The following PCDHGB1 variants were observed in gnomAD, a reference collection of about 807,000 sequenced individuals.
PCDHGB1 encodes the protein protocadherin gamma subfamily B, 1.
A neutral mutation model predicts 56.6 loss-of-function variants in PCDHGB1; 34 were observed. The ratio of observed to expected loss-of-function variants is 0.60; its 90% confidence interval spans 0.46 to 0.80. PCDHGB1 has a LOEUF of 0.80. PCDHGB1 is among the 30% of genes least tolerant of loss of function. The pLI, the probability that PCDHGB1 is intolerant of heterozygous loss-of-function variation, is 0.00. For synonymous variants in PCDHGB1, 561 were observed against 505.9 expected, an observed-to-expected ratio of 1.11 and a Z score of -1.46; for missense variants, 1,278 against 1,204.6, an observed-to-expected ratio of 1.06 and a Z score of -0.90.
chr5:141,387,788 A>G, intron 1 of PCDHGB1: 2 of 1,487,916 alleles, frequency 1.3e-6, no homozygotes, highest in Non-Finnish European at 1.8e-6. Flanking sequence ...TGGAACTGCA[A>G]CTAAAGTCCG....
chr5:141,511,373 G>T lies in PCDHGB1; in HGVS notation c.*200G>T. On this transcript the variant is annotated 3_prime_UTR_variant, in exon 4 of 4. Transcript: ENST00000523390. ...CCCCCAGGGGGTTGAATATGCAAAA[G>T]CAGTTCCGCTGGGAACCCCCATCCA... 8.0e-7 allele frequency: 1 copy of T among 1,251,332 alleles called. No homozygotes were observed. The highest frequency in any genetic ancestry group is 1.6e-5 in the South Asian group (1 of 63,796). The allele number at this position is 1,251,332 out of a possible 1,614,324, so 77.5% of individuals were successfully genotyped here.
intron 1 of PCDHGB1, chr5:141,365,152 C>T (rs747695499): frequency 1.2e-6 from 2 of 1,613,880 alleles, no homozygotes; most frequent in Non-Finnish European, 1.7e-6. Flanking sequence ...AGGGAATAAA[C>T]GGGAAATTGA....
At chr5:141,501,600 C>G (rs1320824291) in intron 2 of PCDHGB1, among the ~76,000 whole-genome samples, 1 of 152,040 alleles carries the variant, frequency 6.6e-6, no homozygotes, top group Admixed American at 6.6e-5. Flanking sequence ...TCTACCAGTT[C>G]CAGCTGTGTG....
At chr5:141,406,072 C>CTT (rs530474569) in intron 1 of PCDHGB1, among the ~76,000 whole-genome samples, 28 of 141,510 alleles carry the variant, frequency 2.0e-4, no homozygotes, top group East Asian at 4.1e-4. Context: ...ATTCTTACTC[C>CTT]TTTTTTTTTT....
rs766050828 is a variant in PCDHGB1, at chr5:141,394,215, G to A, written c.2409+41546G>A. The A allele has an allele frequency of 1.9e-6, 3 of 1,613,902 alleles. No individual in the cohort carries two copies. The South Asian group carries it at 3.3e-5, about 18-fold the overall frequency. ...GTATATCCTAGAGAACAACCTGAGA[G>A]GAGCCTCCATCTTTTCCTTGACTGC... is the stretch of plus-strand genomic sequence containing the variant. On this transcript the variant is annotated intron_variant, in intron 1 of 3. Transcript: ENST00000523390.
chr5:141,477,180 C>T lies in PCDHGB1; in HGVS notation c.2410-17627C>T. On this transcript the variant is annotated intron_variant, in intron 1 of 3. Coordinates refer to ENST00000523390, the MANE Select transcript of PCDHGB1 (RefSeq NM_018922.3). This position sits in a 1 kb window ranked among gnomAD's most constrained non-coding sequence, Gnocchi z 4.9. ...GACAACGCCCCGGAGATCACAGTCA[C>T]CTCCGTGTACAGCCCAGTACCCGAG... 1 of 1,614,196 alleles carries T rather than the reference C, an allele frequency of 6.2e-7. No homozygotes were observed. The highest frequency in any genetic ancestry group is 8.5e-7 in the Non-Finnish European group (1 of 1,180,032).
chr5:141,420,156 A>T lies in PCDHGB1; in HGVS notation c.2409+67487A>T, dbSNP rs1406451882. ...GGGGATCAAATGAATCCAGAATTTA[A>T]TTTTTTCACATCTGTTGATCATTGT... On this transcript the variant is annotated intron_variant, in intron 1 of 3. Coordinates refer to ENST00000523390, the MANE Select transcript of PCDHGB1 (RefSeq NM_018922.3). The T allele has an allele frequency of 1.4e-5, 22 of 1,613,872 alleles. No individual in the cohort carries two copies. Among genetic ancestry groups the T allele is most frequent in the Middle Eastern group, 3.3e-4 (2 of 6,084 alleles).
intron 1 of PCDHGB1, chr5:141,366,760 T>C (rs1041895625): frequency 1.9e-6 from 3 of 1,605,346 alleles, no homozygotes; most frequent in African/African-American, 2.7e-5. Context: ...AGGTTAGTTT[T>C]CTCTTTCGGT....
At chr5:141,420,469 T>C in intron 1 of PCDHGB1, 1 of 724,306 alleles carries the variant, frequency 1.4e-6, no homozygotes. Flanking sequence ...AAAGACATTT[T>C]AAAGCAAACT....
chr5:141,367,034 G>A, intron 1 of PCDHGB1: 2 of 369,536 alleles, frequency 5.4e-6, no homozygotes, highest in South Asian at 8.1e-5. Flanking sequence ...TGGAACTGCA[G>A]TTCTATTAAT....
rs766151180 is a variant in PCDHGB1 at position 141,432,210 on chromosome 5, A to G, written c.2410-62597A>G. On this transcript the variant is annotated intron_variant, in intron 1 of 3. Transcript: ENST00000523390. This position sits in a 1 kb window ranked among gnomAD's most constrained non-coding sequence, Gnocchi z 6.0. Reference sequence around the variant, plus strand: ...GCCCACGACCCCGACTGTGAAGAGAACGCCCAGATCACTTATTCCCTGGCT... The same window carrying G: ...GCCCACGACCCCGACTGTGAAGAGAGCGCCCAGATCACTTATTCCCTGGCT... 1 of 1,614,138 alleles carries G rather than the reference A, an allele frequency of 6.2e-7. No individual in the cohort carries two copies. Among genetic ancestry groups the G allele is most frequent in the Non-Finnish European group, 8.5e-7 (1 of 1,180,018 alleles).
At chr5:141,379,879 G>A (rs1158947637) in intron 1 of PCDHGB1, among the ~76,000 whole-genome samples, 1 of 102,124 alleles carries the variant, frequency 9.8e-6, no homozygotes, top group African/African-American at 3.5e-5. Context: ...TTTATGGTCT[G>A]TGAAAGCCTC....
chr5:141,419,415 C>A, intron 1 of PCDHGB1: 2 of 1,613,434 alleles, frequency 1.2e-6, no homozygotes, highest in Non-Finnish European at 1.7e-6. Flanking sequence ...GCGCAGCGCG[C>A]CTTCGACCAC....
At chr5:141,367,065 T>C (rs1054536052) in intron 1 of PCDHGB1, 27 of 305,946 alleles carry the variant, frequency 8.8e-5, no homozygotes, top group African/African-American at 6.0e-4. Context: ...TTTTATTTAT[T>C]CAAATTGTTA....
At chr5:141,420,230 A>G (rs758649822) in intron 1 of PCDHGB1, 3 of 1,601,528 alleles carry the variant, frequency 1.9e-6, no homozygotes, top group Admixed American at 1.7e-5. Flanking sequence ...ACTGGCTAGC[A>G]TTTTAACTCC....
rs556656447 is a variant in PCDHGB1 at position 141,500,319 on chromosome 5, C to CT, written c.2469-5073dup. Among the ~76,000 whole-genome samples the CT allele has an allele frequency of 2.6e-5, 4 of 152,122 alleles. No homozygotes were observed. The South Asian group carries it at 8.3e-4, about 32-fold the overall frequency. Reference sequence around the variant, plus strand: ...CGCCTCCCAGGTTCACGCCATGCTCCTGCCTCAGCCTCCAGAATAGCTGGG... The same window carrying CT: ...CGCCTCCCAGGTTCACGCCATGCTCCTTGCCTCAGCCTCCAGAATAGCTGGG... On this transcript the variant is annotated intron_variant, in intron 2 of 3. Coordinates refer to ENST00000523390, the MANE Select transcript of PCDHGB1 (RefSeq NM_018922.3).
intron 1 of PCDHGB1, chr5:141,384,043 G>A (rs367639640): frequency 1.6e-5 from 26 of 1,612,650 alleles, no homozygotes; most frequent in Admixed American, 3.3e-5. Flanking sequence ...GAATGGTGAG[G>A]TGACCTGCAC....
intron 1 of PCDHGB1, chr5:141,357,177 A>G (rs553735301): frequency 3.7e-6 from 6 of 1,613,562 alleles, no homozygotes; most frequent in Non-Finnish European, 5.1e-6. Context: ...CCACCGTCAC[A>G]CTCACTGTGG....
chr5:141,421,902 C>A (rs1218675162), intron 1 of PCDHGB1: 1 of 1,613,706 alleles, frequency 6.2e-7, no homozygotes, highest in East Asian at 2.2e-5. Context: ...TCCGAAAGGG[C>A]GCAGTTCCCA....
Sources: allele counts gnomAD v4.1 joint callset (sites outside exome capture counted in the v4.1 genomes callset), GRCh38; gene constraint gnomAD v4.1.1; non-coding constraint Gnocchi (gnomAD v3.1); transcripts MANE v1.5; gene names NCBI Gene and HGNC (gene_info 2026-07-23, HGNC 2026-07-21).